SHQ1: variants seen among roughly 807,000 people sequenced by gnomAD.
The protein encoded by SHQ1 is protein SHQ1 homolog.
SHQ1 carries 49 observed loss-of-function variants against 53.8 expected under a neutral mutation model. The observed-to-expected ratio is 0.91, with a 90% CI of 0.72 to 1.16. The LOEUF (loss-of-function observed/expected upper bound fraction) is 1.16, where lower values mean the gene tolerates loss of function less well. Among genes scored for constraint, SHQ1 ranks in the 50% most tolerant of loss-of-function variants. The pLI, the probability that SHQ1 is intolerant of heterozygous loss-of-function variation, is 0.00. For missense variants in SHQ1, 738 were observed against 683.1 expected (o/e 1.08, Z -0.90); for synonymous variants, 243 against 251.0 (o/e 0.97, Z 0.30).
At chr3:72,790,928 ATT>A (rs1220926650) in intron 10 of SHQ1, among the ~76,000 whole-genome samples, 1 of 152,202 alleles carries the variant, frequency 6.6e-6, no homozygotes, top group Non-Finnish European at 1.5e-5. Context: ...TAAAAGTACT[ATT>A]AGCACAACAA....
chr3:72,777,834 C>G (rs1705988362), intron 10 of SHQ1, among the ~76,000 whole-genome samples: 2 of 152,168 alleles, frequency 1.3e-5, no homozygotes, highest in African/African-American at 4.8e-5. Flanking sequence ...GACAGACAAA[C>G]AGCACTATAT....
downstream of SHQ1, among the ~76,000 whole-genome samples, chr3:72,748,522 C>G (rs1157712279): frequency 6.6e-6 from 1 of 151,884 alleles, no homozygotes; most frequent in East Asian, 1.9e-4. Context: ...AAAACCCCGT[C>G]TCTACCAAAA....
intron 10 of SHQ1, among the ~76,000 whole-genome samples, chr3:72,769,073 C>T (rs1030291371): frequency 6.6e-6 from 1 of 152,154 alleles, no homozygotes; most frequent in Admixed American, 6.5e-5. Flanking sequence ...TAACAGAGCC[C>T]TTATACATTA....
intron 4 of SHQ1, among the ~76,000 whole-genome samples, chr3:72,837,345 C>A (rs1208327370): frequency 6.6e-6 from 1 of 151,972 alleles, no homozygotes; most frequent in South Asian, 2.1e-4. Context: ...ACAAACAAAT[C>A]CTGTCTAAAA....
intron 4 of SHQ1, among the ~76,000 whole-genome samples, 153 bp downstream of exon 4, chr3:72,840,892 C>T (rs1017786562): frequency 6.6e-6 from 1 of 152,202 alleles, no homozygotes; most frequent in Non-Finnish European, 1.5e-5. Context: ...GAAGGGAATG[C>T]ACATCTATGT....
intron 8 of SHQ1, among the ~76,000 whole-genome samples, chr3:72,814,893 A>G (rs1707260968): frequency 6.6e-6 from 1 of 152,172 alleles, no homozygotes; most frequent in Non-Finnish European, 1.5e-5. Context: ...AACCTGCAAT[A>G]CTTACCTCAC....
chr3:72,795,222 C>G (rs996387293), intron 9 of SHQ1: 1 of 152,244 alleles, frequency 6.6e-6, no homozygotes, highest in Non-Finnish European at 1.5e-5. Flanking sequence ...GAAAGCTCCA[C>G]TGCTAGACTG....
intron 9 of SHQ1, among the ~76,000 whole-genome samples, chr3:72,805,140 G>A (rs1262593476): frequency 6.6e-6 from 1 of 152,050 alleles, no homozygotes; most frequent in Non-Finnish European, 1.5e-5. Flanking sequence ...GTATACTTCA[G>A]CTCTTTTCTG....
At chr3:72,753,126 A>C in intron 10 of SHQ1, 1 of 985,426 alleles carries the variant, frequency 1.0e-6, no homozygotes, top group Non-Finnish European at 1.2e-6. Context: ...ACTATTCTTA[A>C]GGGGAAATCT....
intron 6 of SHQ1, among the ~76,000 whole-genome samples, chr3:72,824,205 C>T (rs1707572957): frequency 6.6e-6 from 1 of 152,080 alleles, no homozygotes; most frequent in Non-Finnish European, 1.5e-5. Context: ...CTAAAGGAAA[C>T]CATACTTCAA....
chr3:72,833,444 TGATAGATAGATAGATAGATAGATAGATA>T (rs56202141), intron 4 of SHQ1, among the ~76,000 whole-genome samples: 3,013 of 140,556 alleles, frequency 0.021, 95 homozygotes, highest in African/African-American at 0.073. Context: ...CTATCAGAGA[TGATAGATAGATAGATAGATAGATAGATA>T]GATAGATAGA....
intron 4 of SHQ1, among the ~76,000 whole-genome samples, chr3:72,840,550 G>C (rs1408641768): frequency 3.7e-5 from 5 of 135,892 alleles, no homozygotes; most frequent in African/African-American, 1.5e-4. Context: ...GACAGGGTAA[G>C]ACTCCGTCTC....
chr3:72,819,049 G>A (rs1210100684), intron 6 of SHQ1, among the ~76,000 whole-genome samples: 2 of 152,160 alleles, frequency 1.3e-5, no homozygotes, highest in African/African-American at 2.4e-5. Flanking sequence ...CTTACACAGT[G>A]GACCCAGCTA....
intron 10 of SHQ1, among the ~76,000 whole-genome samples, chr3:72,756,594 AT>A (rs1705501112): frequency 6.6e-6 from 1 of 152,166 alleles, no homozygotes; most frequent in Non-Finnish European, 1.5e-5. Flanking sequence ...CATGTTTTAT[AT>A]CTAAGTGAGG....
intron 3 of SHQ1, 123 bp from the exon 4 acceptor site, chr3:72,841,322 G>C: frequency 1.7e-6 from 1 of 590,072 alleles, no homozygotes; most frequent in Admixed American, 4.0e-5. Flanking sequence ...TGTACTAAAA[G>C]AATATTCATA....
intron 9 of SHQ1, among the ~76,000 whole-genome samples, chr3:72,801,868 C>T (rs953599807): frequency 6.6e-6 from 1 of 152,042 alleles, no homozygotes; most frequent in Admixed American, 6.6e-5. Context: ...TTCTAAAAAG[C>T]CAAGGAAAGA....
chr3:72,830,528 G>T (rs1303761213), intron 5 of SHQ1, among the ~76,000 whole-genome samples: 1 of 151,536 alleles, frequency 6.6e-6, no homozygotes, highest in African/African-American at 2.4e-5. Flanking sequence ...CTAAAAAAAA[G>T]AATTTTTAAA....
intron 10 of SHQ1, among the ~76,000 whole-genome samples, chr3:72,751,497 T>TACATATATATATATA (rs1559657357): frequency 9.0e-6 from 1 of 111,398 alleles, no homozygotes; most frequent in Non-Finnish European, 1.8e-5. Context: ...TGTGTGTGTG[T>TACATATATATATATA]GTGTGTGTGT....
intron 1 of SHQ1, among the ~76,000 whole-genome samples, chr3:72,846,948 C>T (rs1708351959): frequency 6.6e-6 from 1 of 152,312 alleles, no homozygotes; most frequent in East Asian, 1.9e-4. Context: ...GCTTAAATAT[C>T]GCCTCCCCAG....
Sources: allele counts gnomAD v4.1 joint callset (sites outside exome capture counted in the v4.1 genomes callset), GRCh38; gene constraint gnomAD v4.1.1; transcripts MANE v1.5; gene names NCBI Gene and HGNC (gene_info 2026-07-23, HGNC 2026-07-21).